SORBS2: variants seen among roughly 807,000 people sequenced by gnomAD.
SORBS2 encodes the protein sorbin and SH3 domain containing 2.
SORBS2 carries 46 observed loss-of-function variants against 97.7 expected under a neutral mutation model. The ratio of observed to expected loss-of-function variants is 0.47; its 90% confidence interval spans 0.37 to 0.60. The LOEUF is 0.60. SORBS2 is among the 20% of genes least tolerant of loss of function. The pLI is 0.00. For missense variants in SORBS2, 1,316 were observed against 1,282.3 expected (o/e 1.03, Z -0.40); for synonymous variants, 476 against 473.4 (o/e 1.01, Z -0.07).
intron 2 of SORBS2, among the ~76,000 whole-genome samples, chr4:185,709,234 G>C (rs1412241873): frequency 1.3e-5 from 2 of 150,892 alleles, no homozygotes; most frequent in African/African-American, 2.4e-5. Flanking sequence ...TGGCCAGGCT[G>C]GTCTTGAACT....
At chr4:185,800,411 G>A (rs905726321) in intron 1 of SORBS2, among the ~76,000 whole-genome samples, 10 of 152,146 alleles carry the variant, frequency 6.6e-5, no homozygotes, top group East Asian at 1.9e-4. Context: ...CTGGGCGTCC[G>A]CTGGGAACTT....
At chr4:185,595,127 C>G (rs539579337) in intron 12 of SORBS2, among the ~76,000 whole-genome samples, 1 of 152,176 alleles carries the variant, frequency 6.6e-6, no homozygotes, top group Non-Finnish European at 1.5e-5. Context: ...TTATCCACCC[C>G]CTTTCTATCC....
rs149923333 is a variant in SORBS2 at position 185,784,889 on chromosome 4, G to A, written c.-337-9523C>T. On this transcript the variant is annotated intron_variant, in intron 1 of 20. Coordinates refer to the SORBS2 transcript ENST00000284776. The stretch of plus-strand genomic sequence containing the variant: ...TGAAAAATGAGCCGACATGCCTAAC[G>A]CCCCGGGAGCTGCATCATTTGAATA... 1.5e-3 allele frequency among the ~76,000 whole-genome samples: 225 copies of A among 152,204 alleles called. 1 individual carries two copies. Among genetic ancestry groups the A allele is most frequent in the African/African-American group, 5.0e-3 (207 of 41,522 alleles).
At position 185,690,555 on chromosome 4, in the gene SORBS2, A is replaced by G. The variant is rs2098074539; in HGVS notation, c.-197-11733T>C. ...CTAAAAGAGTTTAAAACTAACAGACAGCATACCTGTGTTCATTTTCACCTT... is the reference window on the plus strand; with the variant it reads ...CTAAAAGAGTTTAAAACTAACAGACGGCATACCTGTGTTCATTTTCACCTT... On this transcript the variant is annotated intron_variant, in intron 2 of 20. Transcript: ENST00000284776. The G allele has an allele frequency of 6.6e-7, 1 of 1,521,132 alleles. No individual in the cohort carries two copies. The highest frequency in any genetic ancestry group is 2.5e-5 in the East Asian group (1 of 40,518). The allele number at this position is 1,521,132 out of a possible 1,614,324, so 94.2% of individuals were successfully genotyped here.
chr4:185,707,225 C>T (rs1223341752), intron 2 of SORBS2, among the ~76,000 whole-genome samples: 8 of 152,198 alleles, frequency 5.3e-5, no homozygotes, highest in South Asian at 2.1e-4. Flanking sequence ...TGCAAAGAAA[C>T]GCCAAACCAC....
chr4:185,590,035 A>G (rs770903149), intron 13 of SORBS2, among the ~76,000 whole-genome samples: 1 of 152,244 alleles, frequency 6.6e-6, no homozygotes, highest in Non-Finnish European at 1.5e-5. Flanking sequence ...CACGAGGAAT[A>G]TCCATGAAAA....
At chr4:185,668,246 T>C (rs2097650060) in intron 4 of SORBS2, among the ~76,000 whole-genome samples, 1 of 152,232 alleles carries the variant, frequency 6.6e-6, no homozygotes, top group African/African-American at 2.4e-5. Context: ...ATATGATCAT[T>C]AGTTTGCATA....
chr4:185,880,936 T>C (rs989988635), intron 1 of SORBS2, among the ~76,000 whole-genome samples: 2 of 151,338 alleles, frequency 1.3e-5, no homozygotes, highest in African/African-American at 4.9e-5. Context: ...GACACAGCAC[T>C]GAGGTGGAGG....
intron 1 of SORBS2, among the ~76,000 whole-genome samples, chr4:185,856,960 GA>G (rs1306066439): frequency 1.3e-5 from 2 of 152,112 alleles, no homozygotes; most frequent in East Asian, 3.9e-4. Context: ...AAGCTTGGGG[GA>G]AACTGCCCCA....
intron 2 of SORBS2, among the ~76,000 whole-genome samples, chr4:185,707,535 A>G (rs1010957627): frequency 6.6e-6 from 1 of 151,888 alleles, no homozygotes; most frequent in African/African-American, 2.4e-5. Context: ...TATCATGGGT[A>G]CAAGGCACAT....
chr4:185,666,268 G>C (rs2097596543), intron 4 of SORBS2: 2 of 880,988 alleles, frequency 2.3e-6, no homozygotes, highest in South Asian at 2.9e-5. Flanking sequence ...ACCTCTTTTT[G>C]CGATGTGGCA....
intron 4 of SORBS2, among the ~76,000 whole-genome samples, chr4:185,633,152 GTTC>G (rs1465822142): frequency 6.6e-6 from 1 of 152,090 alleles, no homozygotes; most frequent in Non-Finnish European, 1.5e-5. Flanking sequence ...ATCCGTAACT[GTTC>G]TTCATTAATG....
chr4:185,920,915 T>G (rs1163546087), intron 1 of SORBS2, among the ~76,000 whole-genome samples: 1 of 152,198 alleles, frequency 6.6e-6, no homozygotes, highest in African/African-American at 2.4e-5. Flanking sequence ...ATCAAAATGC[T>G]TTTCAGTGAT....
At chr4:185,716,087 T>C (rs10019263) in intron 2 of SORBS2, among the ~76,000 whole-genome samples, 120,941 of 152,180 alleles carry the variant, frequency 0.79, 48,988 homozygotes, top group Non-Finnish European at 0.89. Flanking sequence ...ATAGAAAAAG[T>C]ATTTCATAAC....
chr4:185,628,554 C>A (rs1462948672), intron 5 of SORBS2, among the ~76,000 whole-genome samples: 3 of 152,140 alleles, frequency 2.0e-5, no homozygotes, highest in Non-Finnish European at 4.4e-5. Flanking sequence ...GAGTTTGAGA[C>A]CAGCCTGGAC....
intron 2 of SORBS2, among the ~76,000 whole-genome samples, chr4:185,682,416 A>C (rs1490048629): frequency 1.3e-5 from 2 of 152,220 alleles, no homozygotes. Flanking sequence ...TGGATTGTCC[A>C]GTGGGAATTT....
chr4:185,709,020 C>A (rs2098387145), intron 2 of SORBS2, among the ~76,000 whole-genome samples: 2 of 152,204 alleles, frequency 1.3e-5, no homozygotes, highest in South Asian at 2.1e-4. Context: ...AACTCTTCAA[C>A]CTTTTCTCTT....
In SORBS2 at chr4:185,606,990, C is replaced by T. The variant is rs1235866324; in HGVS notation, c.2796+4790G>A. On this transcript the variant is annotated intron_variant, in intron 12 of 14. Transcript: ENST00000418609. The surrounding 1 kb of genome is among the most constrained non-coding windows in gnomAD (Gnocchi z 4.3). ...TTGTCGTTCTGGGATCCTGAAGAGG[C>T]TCTGCATGGTAAGGCTGGGCTGCAG... is the stretch of plus-strand genomic sequence containing the variant. The T allele has an allele frequency of 1.1e-5, 11 of 1,000,006 alleles. No individual in the cohort carries two copies. The highest frequency in any genetic ancestry group is 1.2e-5 in the Non-Finnish European group (10 of 838,584). The allele number at this position is 1,000,006 out of a possible 1,614,324, so 61.9% of individuals were successfully genotyped here. A position where few individuals can be genotyped will look rare whatever the true frequency, so the allele number is the denominator to read the frequency against.
chr4:185,953,886 CT>C (rs1487262842), intron 1 of SORBS2, among the ~76,000 whole-genome samples: 1 of 152,266 alleles, frequency 6.6e-6, no homozygotes, highest in African/African-American at 2.4e-5. Flanking sequence ...CAGAGCTGGG[CT>C]TTCCATCACA....
Sources: gnomAD v4.1 joint callset for allele counts (sites outside exome capture counted in the v4.1 genomes callset) on GRCh38, gnomAD v4.1.1 for gene constraint, Gnocchi (gnomAD v3.1) non-coding constraint, MANE v1.5 for transcripts, NCBI Gene and HGNC (gene_info 2026-07-23, HGNC 2026-07-21) for gene names.